Variants in SNX18 observed in about 807,000 individuals in gnomAD.
SNX18 encodes sorting nexin 18, also known as sorting nexin-18.
Under a neutral mutation model 48.7 loss-of-function variants are expected in SNX18, and 35 were observed. The observed-to-expected ratio is 0.72, with a 90% CI of 0.55 to 0.95. The LOEUF is 0.95. Ranked by LOEUF, SNX18 falls within the 40% of genes least tolerant of loss-of-function variation. SNX18 has a pLI of 0.00. For synonymous variants in SNX18, 492 were observed against 384.7 expected (o/e 1.28, Z -3.26); for missense variants, 824 against 871.0 (o/e 0.95, Z 0.68).
At chr5:54,635,848 T>C in the SNX18 span, among the ~76,000 whole-genome samples, 1 of 152,190 alleles carries the variant, frequency 6.6e-6, no homozygotes, top group Non-Finnish European at 1.5e-5. Flanking sequence ...ATTTTCTTTT[T>C]GCACTGGGCC....
chr5:54,569,754 T>C, the SNX18 span, among the ~76,000 whole-genome samples: 1 of 152,150 alleles, frequency 6.6e-6, no homozygotes, highest in Non-Finnish European at 1.5e-5. Flanking sequence ...AGAGTGAGTG[T>C]TCTACCTAGT....
chr5:54,576,207 G>A, the SNX18 span, among the ~76,000 whole-genome samples: 1 of 152,076 alleles, frequency 6.6e-6, no homozygotes, highest in Non-Finnish European at 1.5e-5. Context: ...TCCAGCTGAG[G>A]CCCCAGACAA....
chr5:54,536,622 T>C (rs564713932), intron 1 of SNX18, among the ~76,000 whole-genome samples: 8 of 152,212 alleles, frequency 5.3e-5, no homozygotes, highest in Non-Finnish European at 1.0e-4. Flanking sequence ...CTTAATCCAG[T>C]CTATCATTGA....
At chr5:54,537,579 G>A (rs1580106329) in intron 1 of SNX18, among the ~76,000 whole-genome samples, 1 of 151,946 alleles carries the variant, frequency 6.6e-6, no homozygotes, top group East Asian at 1.9e-4. Flanking sequence ...TGATGTTTTT[G>A]ACCTTAAACT....
the SNX18 span, among the ~76,000 whole-genome samples, chr5:54,618,244 T>C: frequency 6.6e-6 from 1 of 152,234 alleles, no homozygotes; most frequent in Non-Finnish European, 1.5e-5. Context: ...CTGCTATGAT[T>C]GTAAGTTTCT....
At chr5:54,522,165 C>T (rs1316382916) in intron 1 of SNX18, among the ~76,000 whole-genome samples, 1 of 152,152 alleles carries the variant, frequency 6.6e-6, no homozygotes, top group Non-Finnish European at 1.5e-5. Flanking sequence ...TTGCCTATAA[C>T]CAGTGTTTAT....
chr5:54,528,695 G>A (rs1417277269), intron 1 of SNX18, among the ~76,000 whole-genome samples: 1 of 152,220 alleles, frequency 6.6e-6, no homozygotes, highest in Non-Finnish European at 1.5e-5. Context: ...GCACCATGAT[G>A]TGAAGTAGGA....
At chr5:54,638,346 G>C in the SNX18 span, among the ~76,000 whole-genome samples, 1 of 152,164 alleles carries the variant, frequency 6.6e-6, no homozygotes, top group African/African-American at 2.4e-5. Context: ...CAGATATCCT[G>C]AGCGTATGCT....
At chr5:54,562,180 C>CAAA in the SNX18 span, among the ~76,000 whole-genome samples, 1 of 152,162 alleles carries the variant, frequency 6.6e-6, no homozygotes, top group Non-Finnish European at 1.5e-5. Flanking sequence ...AAAATCACTC[C>CAAA]CTGTTACTGA....
chr5:54,597,394 A>T, the SNX18 span, among the ~76,000 whole-genome samples: 60 of 151,902 alleles, frequency 3.9e-4, no homozygotes, highest in African/African-American at 1.4e-3. Flanking sequence ...TTGACCTGAT[A>T]GATATCTACA....
chr5:54,567,035 G>A, the SNX18 span, among the ~76,000 whole-genome samples: 1 of 152,076 alleles, frequency 6.6e-6, no homozygotes, highest in Non-Finnish European at 1.5e-5. Context: ...TGCTTCTCTA[G>A]TACTCTTCTT....
Position 54,518,050 on chromosome 5 carries a change from A to G in SNX18, c.98A>G (p.Gln33Arg), listed in dbSNP as rs1337036256. 1.9e-6 allele frequency: 3 copies of G among 1,546,662 alleles called. No individual in the cohort carries two copies. The highest frequency in any genetic ancestry group is 1.9e-5 in the Admixed American group (1 of 51,846). The part of the protein sequence containing the change: ...EHEVLSLCSE[Q>R]DIEGWLEGVN... ...GAGGTGCTGAGCCTGTGCAGCGAGCAGGACATCGAGGGCTGGCTCGAGGGG... is the reference window on the plus strand; with the variant it reads ...GAGGTGCTGAGCCTGTGCAGCGAGCGGGACATCGAGGGCTGGCTCGAGGGG... The change falls in exon 1 of 2, where the codon CAG becomes CGG. Residue 33 changes from glutamine to arginine, a missense_variant. This residue lies in a region of SNX18 where 377 missense variants were observed against 350.6 expected (regional missense o/e 1.08). Transcript: ENST00000381410.
intron 1 of SNX18, among the ~76,000 whole-genome samples, chr5:54,521,763 T>A (rs1016349768): frequency 6.6e-6 from 1 of 152,190 alleles, no homozygotes. Flanking sequence ...GACAGGTGTC[T>A]TGCTATGTTG....
In SNX18 at chr5:54,518,233, C is replaced by A; in HGVS notation, c.281C>A (p.Pro94His). 7.0e-7 allele frequency: 1 copy of A among 1,433,654 alleles called. No homozygotes were observed. Among genetic ancestry groups the A allele is most frequent in the Non-Finnish European group, 9.1e-7 (1 of 1,101,782 alleles). The allele number at this position is 1,433,654 out of a possible 1,614,324, so 88.8% of individuals were successfully genotyped here. The change falls in exon 1 of 2, where the codon CCC (proline) becomes CAC (histidine). Residue 94 changes from proline (P) to histidine (H), a missense_variant. Pro to His is a moderately conservative substitution (Grantham distance 77). Transcript: ENST00000381410. ...TTCGAGCCCCTGCCTGTCGCGCCCC[C>A]CGCCTCCTTCAAGCCGCCGCCTGAC... ...GGFEPLPVAP[P>H]ASFKPPPDAF...
intron 1 of SNX18, among the ~76,000 whole-genome samples, chr5:54,534,939 C>G (rs1219039774): frequency 6.6e-6 from 1 of 152,122 alleles, no homozygotes; most frequent in Non-Finnish European, 1.5e-5. Context: ...TTAGCGTTTA[C>G]TGATGGAAAT....
the SNX18 span, among the ~76,000 whole-genome samples, chr5:54,632,476 T>C: frequency 2.6e-5 from 4 of 152,272 alleles, no homozygotes; most frequent in African/African-American, 9.6e-5. Context: ...CTGGACACAG[T>C]CAAATCACAG....
chr5:54,592,894 A>T, the SNX18 span, among the ~76,000 whole-genome samples: 3 of 152,254 alleles, frequency 2.0e-5, no homozygotes, highest in Middle Eastern at 6.8e-3. Context: ...TCCACCTCCC[A>T]GGTTCAAGCG....
chr5:54,571,623 G>T, the SNX18 span, among the ~76,000 whole-genome samples: 2 of 152,212 alleles, frequency 1.3e-5, no homozygotes, highest in African/African-American at 4.8e-5. Flanking sequence ...TTGGGAGGTG[G>T]TGTCCTTGGG....
chr5:54,524,644 A>G (rs1393674161), intron 1 of SNX18, among the ~76,000 whole-genome samples: 1 of 152,238 alleles, frequency 6.6e-6, no homozygotes, highest in African/African-American at 2.4e-5. Flanking sequence ...AATTTGCCAT[A>G]TATTTTTGAA....
Sources: allele counts gnomAD v4.1 joint callset (sites outside exome capture counted in the v4.1 genomes callset), GRCh38; gene constraint gnomAD v4.1.1; regional missense constraint gnomAD v4.1.1; transcripts MANE v1.5; gene names NCBI Gene and HGNC (gene_info 2026-07-23, HGNC 2026-07-21).